Variants in TRAF3 observed in about 807,000 individuals in gnomAD.
TRAF3 encodes TNF receptor-associated factor 3.
A neutral mutation model predicts 62.3 loss-of-function variants in TRAF3; 13 were observed. The ratio of observed to expected loss-of-function variants is 0.21; its 90% CI spans 0.14 to 0.33. TRAF3 has a LOEUF of 0.33. TRAF3 is among the 10% of genes least tolerant of loss of function. The probability of loss-of-function intolerance (pLI) is 1.00; values close to 1 mark genes in which losing one functional copy is unlikely to be tolerated. For missense variants in TRAF3, 440 were observed against 741.8 expected (o/e 0.59, Z 4.73); for synonymous variants, 269 against 283.4 (o/e 0.95, Z 0.51).
rs750074176 is a variant in TRAF3 at position 102,889,594 on chromosome 14, C to T, written c.686C>T (p.Pro229Leu). 6.2e-7 allele frequency: 1 copy of T among 1,614,218 alleles called. No homozygotes were observed. The highest frequency in any genetic ancestry group is 1.1e-5 in the South Asian group (1 of 91,080). ...SAHLSECVNA[P>L]STCSFKRYGC... Reference sequence around the variant, plus strand: ...CACTTGTCAGAGTGTGTCAATGCCCCCAGCACCTGTAGTTTTAAGCGCTAT... The same window carrying T: ...CACTTGTCAGAGTGTGTCAATGCCCTCAGCACCTGTAGTTTTAAGCGCTAT... Residue 229 changes from proline to leucine, a missense_variant, in exon 8 of 12, where the codon CCC (proline) becomes CTC (leucine). This residue lies in a region of TRAF3 where 255 missense variants were observed against 424.1 expected (regional missense o/e 0.60). Coordinates refer to ENST00000392745, the MANE Select transcript of TRAF3 (RefSeq NM_145725.3).
intron 4 of TRAF3, among the ~76,000 whole-genome samples, chr14:102,873,270 C>T (rs1334778523): frequency 3.3e-5 from 5 of 152,122 alleles, no homozygotes; most frequent in Non-Finnish European, 7.3e-5. Flanking sequence ...TGGAATTGGC[C>T]ACCTGGCCCT....
intron 1 of TRAF3, among the ~76,000 whole-genome samples, chr14:102,827,548 C>T (rs1566759646): frequency 1.3e-5 from 2 of 152,276 alleles, no homozygotes; most frequent in African/African-American, 2.4e-5. Context: ...TGACCCGTCA[C>T]GTGAGGTCAG....
intron 1 of TRAF3, among the ~76,000 whole-genome samples, chr14:102,794,190 T>G (rs1219974778): frequency 1.3e-5 from 2 of 152,154 alleles, no homozygotes; most frequent in African/African-American, 4.8e-5. Context: ...CTTTTTTTTC[T>G]TTTGAGATAG....
In TRAF3 at chr14:102,845,043, G is replaced by A. The variant is rs138423115; in HGVS notation, c.-18+14571G>A. 8.1e-3 allele frequency among the ~76,000 whole-genome samples: 1,220 copies of A among 151,414 alleles called. 7 individuals are homozygous for A. The highest frequency in any genetic ancestry group is 0.013 in the Non-Finnish European group (851 of 67,834). ...CTCCTGAGTAGCTGGGACTACAGGTGGCTGCCAGCACGCCGGCTAATTTTT... is the reference window on the plus strand; with the variant it reads ...CTCCTGAGTAGCTGGGACTACAGGTAGCTGCCAGCACGCCGGCTAATTTTT... On this transcript the variant is annotated intron_variant, in intron 2 of 11. Transcript: ENST00000392745.
intron 1 of TRAF3, among the ~76,000 whole-genome samples, chr14:102,780,168 A>G (rs1257150062): frequency 1.3e-5 from 2 of 152,318 alleles, no homozygotes; most frequent in South Asian, 2.1e-4. Flanking sequence ...TGATGCTTAG[A>G]CTTGCTTTCA....
chr14:102,814,556 G>A (rs563065676), intron 1 of TRAF3, among the ~76,000 whole-genome samples: 12 of 152,102 alleles, frequency 7.9e-5, no homozygotes, highest in Admixed American at 2.0e-4. Flanking sequence ...GTCTCACTTC[G>A]TTATCTAGGC....
intron 1 of TRAF3, among the ~76,000 whole-genome samples, chr14:102,797,756 G>A (rs370053940): frequency 1.5e-3 from 208 of 142,118 alleles, no homozygotes; most frequent in African/African-American, 5.2e-3. Flanking sequence ...TTTTTTTTGA[G>A]ATGTAGTTTT....
intron 1 of TRAF3, chr14:102,810,728 GACA>G (rs1419986010): frequency 2.0e-5 from 3 of 152,218 alleles, no homozygotes; most frequent in African/African-American, 7.2e-5. Flanking sequence ...TCAAGAGAAA[GACA>G]ACAATTCTTG....
intron 1 of TRAF3, among the ~76,000 whole-genome samples, chr14:102,794,888 GT>G (rs1194829041): frequency 1.3e-5 from 2 of 152,248 alleles, no homozygotes; most frequent in African/African-American, 4.8e-5. Context: ...TGTTTGTCAA[GT>G]TTTTCAAGTA....
chr14:102,909,544 G>C lies in TRAF3; in HGVS notation c.*3760G>C, dbSNP rs1166208629. 6.6e-6 allele frequency: 1 copy of C among 152,620 alleles called. No homozygotes were observed. Among genetic ancestry groups the C allele is most frequent in the Non-Finnish European group, 1.5e-5 (1 of 68,294 alleles). The allele number at this position is 152,620 out of a possible 1,614,324, so 9.5% of individuals were successfully genotyped here. ...CCCATCCCCGTGCCCTTCTTGGCCT[G>C]TGGCGCTGGGGAGCCATGGTGTGGC... On this transcript the variant is annotated 3_prime_UTR_variant, in exon 12 of 12. Transcript: ENST00000392745.
At chr14:102,873,611 C>T (rs575695155) in intron 4 of TRAF3, among the ~76,000 whole-genome samples, 7 of 152,282 alleles carry the variant, frequency 4.6e-5, no homozygotes, top group Admixed American at 1.3e-4. Context: ...GTCTGGGCCC[C>T]GGGTGACCCG....
chr14:102,893,725 G>A (rs1449982443), intron 9 of TRAF3, among the ~76,000 whole-genome samples: 1 of 152,232 alleles, frequency 6.6e-6, no homozygotes, highest in Non-Finnish European at 1.5e-5. Context: ...AGTGCAGGAT[G>A]CATAACTGTG....
chr14:102,851,576 C>G (rs538597741), intron 2 of TRAF3, among the ~76,000 whole-genome samples: 1 of 152,196 alleles, frequency 6.6e-6, no homozygotes, highest in Non-Finnish European at 1.5e-5. Context: ...AAGCCCGTCT[C>G]TACTAAAAAT....
chr14:102,869,343 G>C (rs747338563), intron 2 of TRAF3, among the ~76,000 whole-genome samples: 2 of 152,194 alleles, frequency 1.3e-5, no homozygotes, highest in Non-Finnish European at 2.9e-5. Context: ...AGGCCAGTCT[G>C]AGTTGTAGCA....
In TRAF3 at chr14:102,911,347, G is replaced by A. The variant is rs1445396368; in HGVS notation, c.*5563G>A. ...TAGTTTTGTTTATTGTATATTATGT[G>A]TGGTTTTATTTGGTATTTATTTGTG... On this transcript the variant is annotated 3_prime_UTR_variant, in exon 12 of 12. Coordinates refer to ENST00000392745, the MANE Select transcript of TRAF3 (RefSeq NM_145725.3). 1 of 152,200 alleles carries A rather than the reference G, an allele frequency of 6.6e-6. No individual in the cohort carries two copies. Among genetic ancestry groups the A allele is most frequent in the Non-Finnish European group, 1.5e-5 (1 of 68,042 alleles). 9.4% of individuals were successfully genotyped at this position (152,200 alleles called of 1,614,324 possible). A position where few individuals can be genotyped will look rare whatever the true frequency, so the allele number is the denominator to read the frequency against.
chr14:102,897,511 A>G, intron 10 of TRAF3, 110 bp downstream of exon 10: 5 of 1,404,036 alleles, frequency 3.6e-6, no homozygotes, highest in Non-Finnish European at 3.9e-6. Flanking sequence ...CTTTGCAAGC[A>G]GAAAGGCAAC....
intron 2 of TRAF3, among the ~76,000 whole-genome samples, chr14:102,853,759 G>A (rs1887190704): frequency 1.3e-5 from 2 of 151,478 alleles, no homozygotes; most frequent in Admixed American, 1.3e-4. Context: ...AATTGCTTGG[G>A]CCCGGGAGGC....
intron 3 of TRAF3, among the ~76,000 whole-genome samples, chr14:102,871,151 C>T (rs984148767): frequency 3.9e-5 from 6 of 152,222 alleles, no homozygotes; most frequent in African/African-American, 1.4e-4. Flanking sequence ...GCCAGCTCCT[C>T]CTCCCACAGC....
intron 1 of TRAF3, among the ~76,000 whole-genome samples, chr14:102,781,542 C>T (rs1487730337): frequency 6.6e-6 from 1 of 152,176 alleles, no homozygotes; most frequent in African/African-American, 2.4e-5. Flanking sequence ...CACCTGTGGT[C>T]CCAGTTACTC....
Sources: allele counts gnomAD v4.1 joint callset (sites outside exome capture counted in the v4.1 genomes callset), GRCh38; gene constraint gnomAD v4.1.1; regional missense constraint gnomAD v4.1.1; transcripts MANE v1.5; gene names NCBI Gene and HGNC (gene_info 2026-07-23, HGNC 2026-07-21).